Variants in LONP2 observed in about 807,000 individuals in gnomAD.
The protein encoded by LONP2 is lon protease homolog 2, peroxisomal.
A neutral mutation model predicts 85.6 loss-of-function variants in LONP2; 60 were observed. The observed-to-expected ratio is 0.70, with a 90% CI of 0.57 to 0.87. The LOEUF is 0.87. Ranked by LOEUF, LONP2 falls within the 40% of genes least tolerant of loss-of-function variation. The pLI, the probability that LONP2 is intolerant of heterozygous loss-of-function variation, is 0.00. For missense variants in LONP2, 860 were observed against 1,063.5 expected (o/e 0.81, Z 2.66); for synonymous variants, 395 against 389.7 (o/e 1.01, Z -0.16).
intron 11 of LONP2, among the ~76,000 whole-genome samples, chr16:48,314,720 A>G (rs931501932): frequency 6.6e-6 from 1 of 152,140 alleles, no homozygotes; most frequent in African/African-American, 2.4e-5. Flanking sequence ...GCACACTTTT[A>G]CATAATTTTT....
intron 11 of LONP2, among the ~76,000 whole-genome samples, chr16:48,307,435 A>G (rs564020749): frequency 7.2e-5 from 11 of 152,316 alleles, no homozygotes; most frequent in South Asian, 2.1e-4. Flanking sequence ...CAGTGTTTCT[A>G]AACAGGGTAA....
chr16:48,333,912 T>C (rs1302960900), intron 11 of LONP2, among the ~76,000 whole-genome samples: 1 of 152,206 alleles, frequency 6.6e-6, no homozygotes, highest in Non-Finnish European at 1.5e-5. Context: ...AAGAATATAA[T>C]GGTCAAAAAG....
At chr16:48,319,536 A>G (rs74017910) in intron 11 of LONP2, among the ~76,000 whole-genome samples, 1,889 of 152,222 alleles carry the variant, frequency 0.012, 41 homozygotes, top group African/African-American at 0.043. Flanking sequence ...TATATTATAT[A>G]GCCCACTGAC....
chr16:48,269,936 TG>T, intron 6 of LONP2, 79 bp from the exon 7 acceptor site: 1 of 1,408,034 alleles, frequency 7.1e-7, no homozygotes, highest in Admixed American at 2.4e-5. Context: ...AAAAATATTT[TG>T]CCCTCGTCAT....
At position 48,347,516 on chromosome 16, in the gene LONP2, C is replaced by T. The variant is rs750681346; in HGVS notation, c.1948C>T (p.Arg650Cys). 9 of 1,614,030 alleles carry T rather than the reference C, an allele frequency of 5.6e-6. No individual in the cohort carries two copies. Among genetic ancestry groups the T allele is most frequent in the African/African-American group, 2.7e-5 (2 of 74,908 alleles). Residue 650 changes from arginine to cysteine, a missense_variant, in exon 13 of 15, where the codon CGT becomes TGT. Physicochemically the swap from Arg to Cys is radical, Grantham distance 180 (BLOSUM62 -3). Coordinates refer to ENST00000285737, the MANE Select transcript of LONP2 (RefSeq NM_031490.5). Reference sequence around the variant, plus strand: ...TTCTTCTTCTTTCAAGGTATCTCAGCGTTTGAGTCAGCCAGGAGTAGCAAT... The same window carrying T: ...TTCTTCTTCTTTCAAGGTATCTCAGTGTTTGAGTCAGCCAGGAGTAGCAAT... ...PPMYEMEVSQ[R>C]LSQPGVAIGL...
At chr16:48,332,152 C>T (rs906881899) in intron 11 of LONP2, among the ~76,000 whole-genome samples, 1 of 152,128 alleles carries the variant, frequency 6.6e-6, no homozygotes, top group South Asian at 2.1e-4. Context: ...AGGTTCATCC[C>T]TGTGAGGTCC....
At chr16:48,259,138 A>G (rs1165832993) in intron 4 of LONP2, among the ~76,000 whole-genome samples, 1 of 152,228 alleles carries the variant, frequency 6.6e-6, no homozygotes, top group African/African-American at 2.4e-5. Context: ...TCAACTTATA[A>G]TAAGTTTCCA....
intron 11 of LONP2, among the ~76,000 whole-genome samples, chr16:48,333,646 T>C (rs1179807468): frequency 1.9e-5 from 2 of 104,124 alleles, no homozygotes; most frequent in Non-Finnish European, 3.5e-5. Context: ...AGACACCATC[T>C]CAAAAAAAAA....
At chr16:48,249,073 T>G (rs979823531) in intron 1 of LONP2, among the ~76,000 whole-genome samples, 1 of 152,152 alleles carries the variant, frequency 6.6e-6, no homozygotes, top group Non-Finnish European at 1.5e-5. Context: ...TTACACAAAT[T>G]GTAACCATTG....
intron 11 of LONP2, among the ~76,000 whole-genome samples, chr16:48,317,201 A>G (rs1161090033): frequency 6.6e-6 from 1 of 152,172 alleles, no homozygotes; most frequent in Non-Finnish European, 1.5e-5. Context: ...CTGGGTTTCT[A>G]AAAGACTCAC....
intron 10 of LONP2, among the ~76,000 whole-genome samples, chr16:48,302,638 C>T (rs1415236207): frequency 6.6e-6 from 1 of 152,260 alleles, no homozygotes; most frequent in African/African-American, 2.4e-5. Context: ...AGCATACCTT[C>T]TTCCTTTAGA....
intron 11 of LONP2, 88 bp from the exon 12 acceptor site, chr16:48,334,128 A>T: frequency 1.6e-6 from 2 of 1,234,612 alleles, no homozygotes; most frequent in South Asian, 2.7e-5. Flanking sequence ...TTTGAGGTCC[A>T]CTGGGCTTTT....
intron 5 of LONP2, among the ~76,000 whole-genome samples, chr16:48,261,819 A>G (rs931597865): frequency 7.9e-5 from 12 of 151,970 alleles, no homozygotes; most frequent in Admixed American, 7.9e-4. Context: ...TATTCTTCAC[A>G]TGTGACTTTT....
At chr16:48,258,556 T>C in intron 3 of LONP2, 62 bp from the exon 4 acceptor site, 2 of 1,505,096 alleles carry the variant, frequency 1.3e-6, no homozygotes, top group Middle Eastern at 1.8e-4. Context: ...TGGCTCTGAC[T>C]GTCTGTTTTT....
At chr16:48,336,038 G>A (rs954947724) in intron 12 of LONP2, among the ~76,000 whole-genome samples, 1 of 152,206 alleles carries the variant, frequency 6.6e-6, no homozygotes, top group African/African-American at 2.4e-5. Flanking sequence ...CTGCATGGCC[G>A]ATGACCTTTT....
intron 11 of LONP2, among the ~76,000 whole-genome samples, chr16:48,305,625 C>T (rs1430898747): frequency 6.6e-6 from 1 of 152,146 alleles, no homozygotes; most frequent in East Asian, 1.9e-4. Flanking sequence ...TCCCACTCTT[C>T]ATCCATGCTT....
chr16:48,255,608 G>C lies in LONP2; in HGVS notation c.469-1002G>C, dbSNP rs544326198. The stretch of plus-strand genomic sequence containing the variant: ...TAGTCCAAATTGATATGGTTTGGCT[G>C]TGTCCCCACCCAAATATCACCTTGA... On this transcript the variant is annotated intron_variant, in intron 2 of 14. Transcript: ENST00000285737. Among the ~76,000 whole-genome samples the C allele has an allele frequency of 2.0e-5, 3 of 152,266 alleles. No homozygotes were observed. In the East Asian group the frequency reaches 5.8e-4, roughly 29 times the overall value.
intron 11 of LONP2, among the ~76,000 whole-genome samples, chr16:48,310,927 G>A (rs1162666580): frequency 6.6e-6 from 1 of 152,120 alleles, no homozygotes; most frequent in East Asian, 1.9e-4. Context: ...GCTTACACTA[G>A]CAGGATACAA....
rs1409195847 is a variant in LONP2, at chr16:48,308,830, T to C, written c.1795+5525T>C. On this transcript the variant is annotated intron_variant, in intron 11 of 14. Coordinates refer to ENST00000285737, the MANE Select transcript of LONP2 (RefSeq NM_031490.5). ...GACTTAATTAAACTAAAAAGCTTTT[T>C]ATACAGCAAAAGAAACAACAGAGTA... Among the ~76,000 whole-genome samples, 4 of 152,042 alleles carry C rather than the reference T, an allele frequency of 2.6e-5. No individual in the cohort carries two copies. The South Asian group carries it at 6.2e-4, about 24-fold the overall frequency.
Sources: gnomAD v4.1 joint callset for allele counts (sites outside exome capture counted in the v4.1 genomes callset) on GRCh38, gnomAD v4.1.1 for gene constraint, MANE v1.5 for transcripts, NCBI Gene and HGNC (gene_info 2026-07-23, HGNC 2026-07-21) for gene names.